TSC22D1: variants seen among roughly 807,000 people sequenced by gnomAD.
The protein encoded by TSC22D1 is TSC22 domain family protein 1.
Under a neutral mutation model 74.2 loss-of-function variants are expected in TSC22D1, and 9 were observed. The observed-to-expected ratio is 0.12, with a 90% confidence interval of 0.07 to 0.21. The LOEUF (loss-of-function observed/expected upper bound fraction) is 0.21, where lower values mean the gene tolerates loss of function less well. TSC22D1 is among the 10% of genes least tolerant of loss of function. The pLI, the probability that TSC22D1 is intolerant of heterozygous loss-of-function variation, is 1.00. For missense variants in TSC22D1, 1,427 were observed against 1,304.7 expected (o/e 1.09, Z -1.44); for synonymous variants, 586 against 492.5 (o/e 1.19, Z -2.51).
rs369502036 is a variant in TSC22D1 at position 44,573,453 on chromosome 13, T to C, written c.2622A>G (p.Gln874=). ...TTGTATTAGTTGCTATCAAGGGAGG[T>C]TGACTAACACTTTGAACCAAATTAC... ...QNGNLVQSVS[Q]PPLIATNTNL... Residue 874 remains glutamine (Q), a synonymous_variant, in exon 1 of 3, where the codon CAA becomes CAG. Coordinates refer to ENST00000458659, the MANE Select transcript of TSC22D1 (RefSeq NM_183422.4). The C allele has an allele frequency of 1.9e-6, 3 of 1,614,204 alleles. No homozygotes were observed. The highest frequency in any genetic ancestry group is 3.3e-5 in the Admixed American group (2 of 60,024).
At position 44,576,183 on chromosome 13, in the gene TSC22D1, C is replaced by T. The variant is rs1322834961; in HGVS notation, c.-109G>A. 1.1e-5 allele frequency: 15 copies of T among 1,387,402 alleles called. No individual in the cohort carries two copies. In the East Asian group the frequency reaches 2.5e-4, roughly 24 times the overall value. The allele number at this position is 1,387,402 out of a possible 1,614,324, so 85.9% of individuals were successfully genotyped here. ...AAACGGGACCTGACGCTCCGCCTGG[C>T]GCGATTCCTCCTTCTCCTCCTCCTC... is the stretch of plus-strand genomic sequence containing the variant. On this transcript the variant is annotated 5_prime_UTR_variant, in exon 1 of 3. Coordinates refer to ENST00000458659, the MANE Select transcript of TSC22D1 (RefSeq NM_183422.4).
chr13:44,508,039 A>G (rs948430996), intron 1 of TSC22D1, among the ~76,000 whole-genome samples: 29 of 152,216 alleles, frequency 1.9e-4, no homozygotes, highest in African/African-American at 7.0e-4. Context: ...AGTCTCATCC[A>G]TACACTGAAG....
At chr13:44,476,530 A>G (rs1478775430) in intron 1 of TSC22D1, among the ~76,000 whole-genome samples, 1 of 152,210 alleles carries the variant, frequency 6.6e-6, no homozygotes, top group African/African-American at 2.4e-5. Flanking sequence ...ATGATCTGAC[A>G]CTTGAATTAT....
At chr13:44,448,125 A>AATC (rs1875836026) in intron 1 of TSC22D1, among the ~76,000 whole-genome samples, 1 of 152,152 alleles carries the variant, frequency 6.6e-6, no homozygotes. Context: ...AAAACATCTG[A>AATC]AGAAGTGACA....
At chr13:44,544,888 G>A (rs1881720834) in intron 1 of TSC22D1, among the ~76,000 whole-genome samples, 1 of 151,828 alleles carries the variant, frequency 6.6e-6, no homozygotes, top group African/African-American at 2.4e-5. Context: ...TAAAACAGAT[G>A]AAAAAGAAAC....
At chr13:44,482,695 C>T (rs993810250) in intron 1 of TSC22D1, among the ~76,000 whole-genome samples, 1 of 152,116 alleles carries the variant, frequency 6.6e-6, no homozygotes, top group African/African-American at 2.4e-5. Flanking sequence ...AAACAGTAAA[C>T]ATTTTGAACA....
chr13:44,524,000 T>C (rs1445953686), intron 1 of TSC22D1, among the ~76,000 whole-genome samples: 1 of 151,968 alleles, frequency 6.6e-6, no homozygotes, highest in Non-Finnish European at 1.5e-5. Context: ...AAAAAGCCTT[T>C]GAAAAAAGAA....
At chr13:44,456,252 G>C (rs536063225) in intron 1 of TSC22D1, among the ~76,000 whole-genome samples, 91 of 152,350 alleles carry the variant, frequency 6.0e-4, no homozygotes, top group Non-Finnish European at 1.1e-3. Context: ...GAAGACCCGA[G>C]CGGGTTGCTG....
chr13:44,469,864 G>A (rs991930671), intron 1 of TSC22D1, among the ~76,000 whole-genome samples: 5 of 152,172 alleles, frequency 3.3e-5, no homozygotes, highest in Admixed American at 3.3e-4. Flanking sequence ...TCCATTTCAG[G>A]TGGAGCTAAT....
At position 44,549,256 on chromosome 13, in the gene TSC22D1, C is replaced by G. The variant is rs192596280; in HGVS notation, c.2912+23907G>C. 2.6e-3 allele frequency among the ~76,000 whole-genome samples: 399 copies of G among 152,198 alleles called. 6 individuals are homozygous for G. Among genetic ancestry groups the G allele is most frequent in the Admixed American group, 0.025 (377 of 15,290 alleles). On this transcript the variant is annotated intron_variant, in intron 1 of 2. Transcript: ENST00000458659. ...ATTAGACATCTGCAGAAGCAATCAA[C>G]ATTTTAGTTAAAACAGGGCGCTTTC...
rs1874302545 is a variant in TSC22D1 at position 44,434,104 on chromosome 13, T to C, written c.*522A>G. 5.3e-6 allele frequency: 8 copies of C among 1,499,952 alleles called. No individual in the cohort carries two copies. The highest frequency in any genetic ancestry group is 1.8e-6 in the Non-Finnish European group (2 of 1,137,666). The allele number at this position is 1,499,952 out of a possible 1,614,324, so 92.9% of individuals were successfully genotyped here. ...AAGAAAGAGGCACAGTACTATTGTT[T>C]TTTATGAATTTTGGTGACAGTTGTC... is the stretch of plus-strand genomic sequence containing the variant. On this transcript the variant is annotated 3_prime_UTR_variant, in exon 3 of 3. Transcript: ENST00000458659.
At chr13:44,508,103 G>A (rs1473341797) in intron 1 of TSC22D1, among the ~76,000 whole-genome samples, 1 of 152,192 alleles carries the variant, frequency 6.6e-6, no homozygotes, top group Non-Finnish European at 1.5e-5. Flanking sequence ...ATAAAATGGT[G>A]CTTGCAGCTA....
At chr13:44,512,995 A>G (rs976213414) in intron 1 of TSC22D1, among the ~76,000 whole-genome samples, 2 of 152,210 alleles carry the variant, frequency 1.3e-5, no homozygotes, top group African/African-American at 4.8e-5. Context: ...GGATCAGGTT[A>G]GCTCCTTCCT....
rs1884119781 is a variant in TSC22D1, at chr13:44,575,167, C to T, written c.908G>A (p.Gly303Asp). 3 of 1,614,074 alleles carry T rather than the reference C, an allele frequency of 1.9e-6. No individual in the cohort carries two copies. Among genetic ancestry groups the T allele is most frequent in the Non-Finnish European group, 2.5e-6 (3 of 1,180,020 alleles). ...ACTAGTGCCAGTAACAGAATTTATA[C>T]CTATTCCACCTGTAGTACTTGGAGC... ...MRAPSTTGGI[G>D]INSVTGTSTV... The change falls in exon 1 of 3, where the codon GGT (glycine) becomes GAT (aspartate). Residue 303 changes from glycine to aspartate, a missense_variant. Transcript: ENST00000458659.
chr13:44,455,342 T>C (rs887440706), intron 1 of TSC22D1, among the ~76,000 whole-genome samples: 1 of 152,180 alleles, frequency 6.6e-6, no homozygotes, highest in Non-Finnish European at 1.5e-5. Context: ...TGATGCATCA[T>C]AGGACTGCGC....
chr13:44,491,849 G>A (rs560749441), intron 1 of TSC22D1, among the ~76,000 whole-genome samples: 10 of 152,226 alleles, frequency 6.6e-5, no homozygotes, highest in African/African-American at 2.2e-4. Flanking sequence ...AAAGCAAAGT[G>A]GAACAATCAT....
At chr13:44,563,020 G>A (rs1301703965) in intron 1 of TSC22D1, among the ~76,000 whole-genome samples, 3 of 151,368 alleles carry the variant, frequency 2.0e-5, no homozygotes, top group African/African-American at 7.3e-5. Context: ...CAGGAGAATC[G>A]ATGAACCCGC....
intron 1 of TSC22D1, among the ~76,000 whole-genome samples, chr13:44,497,705 T>C (rs1377414292): frequency 6.6e-6 from 1 of 152,126 alleles, no homozygotes; most frequent in Non-Finnish European, 1.5e-5. Flanking sequence ...AAGGTGATTT[T>C]CCCCCTTTTT....
In TSC22D1 at chr13:44,574,546, G is replaced by GGTT; in HGVS notation, c.1526_1528dup (p.Gln509dup). On this transcript the variant is annotated inframe_insertion, in exon 1 of 3. Transcript: ENST00000458659. ...TTGGAGGGTCACACCTTGGAGAGCT[G>GGTT]GTTGTTGCTGTTGTTGTTGTTGTTG... The GGTT allele has an allele frequency of 6.2e-7, 1 of 1,613,970 alleles. No individual in the cohort carries two copies. Among genetic ancestry groups the GGTT allele is most frequent in the Non-Finnish European group, 8.5e-7 (1 of 1,180,030 alleles).
Sources: allele counts gnomAD v4.1 joint callset (sites outside exome capture counted in the v4.1 genomes callset), GRCh38; gene constraint gnomAD v4.1.1; transcripts MANE v1.5; gene names NCBI Gene and HGNC (gene_info 2026-07-23, HGNC 2026-07-21).